The following MAF variants were observed in gnomAD, a reference collection of about 807,000 sequenced individuals.
MAF encodes the protein MAF bZIP transcription factor.
MAF carries 10 observed loss-of-function variants against 22.0 expected under a neutral mutation model. That is an observed-to-expected ratio of 0.45 (90% CI 0.28 to 0.77). The LOEUF (loss-of-function observed/expected upper bound fraction) is 0.77, where lower values mean the gene tolerates loss of function less well. MAF is among the 30% of genes least tolerant of loss of function. MAF has a pLI of 0.12. For missense variants in MAF, 544 were observed against 548.4 expected (o/e 0.99, Z 0.08); for synonymous variants, 337 against 255.8 (o/e 1.32, Z -3.03).
the MAF span, among the ~76,000 whole-genome samples, chr16:79,482,353 G>C: frequency 6.6e-6 from 1 of 152,084 alleles, no homozygotes; most frequent in South Asian, 2.1e-4. Context: ...AGTGTTCCAG[G>C]AGAAGGCTTA....
At chr16:79,321,167 G>A in the MAF span, among the ~76,000 whole-genome samples, 2 of 152,154 alleles carry the variant, frequency 1.3e-5, no homozygotes, top group African/African-American at 2.4e-5. Context: ...GATTCTCCTC[G>A]ATGCCTGCCC....
chr16:79,288,741 G>T, the MAF span, among the ~76,000 whole-genome samples: 3 of 152,084 alleles, frequency 2.0e-5, no homozygotes, highest in African/African-American at 7.2e-5. Context: ...TTGTTTGTTT[G>T]TTTTTTGAGA....
the MAF span, among the ~76,000 whole-genome samples, chr16:79,243,385 TCGCCAC>T: frequency 6.6e-5 from 10 of 151,842 alleles, no homozygotes; most frequent in Non-Finnish European, 1.5e-4. Flanking sequence ...AAAGGGGATA[TCGCCAC>T]TGATCCCACA....
At chr16:79,528,466 T>A in the MAF span, among the ~76,000 whole-genome samples, 1 of 152,132 alleles carries the variant, frequency 6.6e-6, no homozygotes, top group Non-Finnish European at 1.5e-5. Flanking sequence ...CTGAGCAGAA[T>A]CATCCAAGCC....
chr16:79,206,921 G>A, the MAF span, among the ~76,000 whole-genome samples: 1 of 152,196 alleles, frequency 6.6e-6, no homozygotes, highest in South Asian at 2.1e-4. Context: ...TAGGGAACAA[G>A]TGGCCTTTTG....
At chr16:79,421,414 T>A in the MAF span, among the ~76,000 whole-genome samples, 1 of 152,190 alleles carries the variant, frequency 6.6e-6, no homozygotes, top group South Asian at 2.1e-4. Flanking sequence ...ACCGCTGATC[T>A]TTTTACTGTC....
the MAF span, among the ~76,000 whole-genome samples, chr16:79,229,654 A>C: frequency 4.6e-5 from 7 of 151,830 alleles, no homozygotes; most frequent in East Asian, 1.9e-4. Context: ...GGCGAGCAGC[A>C]CCTGGGCAAG....
At chr16:79,481,689 C>T in the MAF span, among the ~76,000 whole-genome samples, 1 of 151,998 alleles carries the variant, frequency 6.6e-6, no homozygotes, top group African/African-American at 2.4e-5. Context: ...TTTACCTATC[C>T]ACCCATTCAG....
At chr16:79,504,526 T>G in the MAF span, among the ~76,000 whole-genome samples, 3 of 152,226 alleles carry the variant, frequency 2.0e-5, no homozygotes, top group African/African-American at 7.2e-5. Context: ...TAACATAATG[T>G]GTGGCATAAA....
the MAF span, among the ~76,000 whole-genome samples, chr16:79,381,973 G>A: frequency 6.6e-6 from 1 of 152,152 alleles, no homozygotes; most frequent in African/African-American, 2.4e-5. Flanking sequence ...GACGTCAAAT[G>A]TGATATGACA....
the MAF span, among the ~76,000 whole-genome samples, chr16:79,428,522 A>G: frequency 6.6e-6 from 1 of 152,172 alleles, no homozygotes; most frequent in Non-Finnish European, 1.5e-5. Context: ...GAGAGAGAGA[A>G]AGAGACTCTT....
At chr16:79,217,434 TCTC>T in the MAF span, among the ~76,000 whole-genome samples, 2 of 152,208 alleles carry the variant, frequency 1.3e-5, no homozygotes, top group East Asian at 1.9e-4. Flanking sequence ...CTCTGGCTCT[TCTC>T]CTGATACCGA....
At chr16:79,501,469 G>C in the MAF span, among the ~76,000 whole-genome samples, 1 of 152,264 alleles carries the variant, frequency 6.6e-6, no homozygotes, top group East Asian at 1.9e-4. Flanking sequence ...AGTAGGTCTT[G>C]TCTGCCTTTC....
chr16:79,249,452 GCCGCCATGCCCCTT>G, the MAF span, among the ~76,000 whole-genome samples: 10 of 149,668 alleles, frequency 6.7e-5, no homozygotes, highest in Non-Finnish European at 1.5e-4. Flanking sequence ...GTTGAAGGAT[GCCGCCATGCCCCTT>G]CCACCATGTG....
At chr16:79,399,944 A>T in the MAF span, among the ~76,000 whole-genome samples, 1 of 152,348 alleles carries the variant, frequency 6.6e-6, no homozygotes, top group East Asian at 1.9e-4. Flanking sequence ...TACCTGCCCA[A>T]ATGTAAACTT....
chr16:79,372,126 T>C, the MAF span, among the ~76,000 whole-genome samples: 3 of 151,396 alleles, frequency 2.0e-5, no homozygotes, highest in Non-Finnish European at 4.4e-5. Context: ...TATAATTTCC[T>C]TGTTACTAGA....
At chr16:79,283,254 G>A in the MAF span, among the ~76,000 whole-genome samples, 10,222 of 152,166 alleles carry the variant, frequency 0.067, 1,137 homozygotes, top group African/African-American at 0.23. Flanking sequence ...ACTCAATGAT[G>A]AACAAAGAAA....
At chr16:79,243,125 A>G in the MAF span, among the ~76,000 whole-genome samples, 1,262 of 152,128 alleles carry the variant, frequency 8.3e-3, 25 homozygotes, top group Non-Finnish European at 8.0e-3. Flanking sequence ...ACACCCTAAC[A>G]TCACAATCAA....
Position 79,600,379 on chromosome 16 carries a change from G to A in MAF, c.-477C>T. ...GCAGGGCGCGCGCGGCGTCCGCTCG[G>A]GGCTGGAGGCGCGGCGGGCGTCTGT... On this transcript the variant is annotated 5_prime_UTR_variant, in exon 1 of 2. Coordinates refer to ENST00000326043, the MANE Select transcript of MAF (RefSeq NM_005360.5). 1 of 197,712 alleles carries A rather than the reference G, an allele frequency of 5.1e-6. No homozygotes were observed. The highest frequency in any genetic ancestry group is 9.4e-5 in the East Asian group (1 of 10,684). The allele number at this position is 197,712 out of a possible 1,614,324, so 12.2% of individuals were successfully genotyped here.
Sources: allele counts gnomAD v4.1 joint callset (sites outside exome capture counted in the v4.1 genomes callset), GRCh38; gene constraint gnomAD v4.1.1; transcripts MANE v1.5; gene names NCBI Gene and HGNC (gene_info 2026-07-23, HGNC 2026-07-21).